Variants in PCDH15 observed in about 807,000 individuals in gnomAD.
PCDH15 encodes the protein protocadherin-15.
A neutral mutation model predicts 178.5 loss-of-function variants in PCDH15; 129 were observed. The observed-to-expected ratio is 0.72, with a 90% confidence interval of 0.63 to 0.84. The LOEUF is 0.84. Ranked by LOEUF, PCDH15 falls within the 40% of genes least tolerant of loss-of-function variation. The pLI, the probability that PCDH15 is intolerant of heterozygous loss-of-function variation, is 0.00. For missense variants in PCDH15, 2,230 were observed against 2,099.9 expected (o/e 1.06, Z -1.21); for synonymous variants, 800 against 732.0 (o/e 1.09, Z -1.50).
chr10:54,872,190 G>T, intron 3 of PCDH15, among the ~76,000 whole-genome samples: 1 of 151,816 alleles, frequency 6.6e-6, no homozygotes, highest in East Asian at 1.9e-4. Context: ...AATAAATAAG[G>T]AGAAAAAAGA....
intron 2 of PCDH15, among the ~76,000 whole-genome samples, chr10:54,938,082 T>G (rs1837951045): frequency 6.6e-6 from 1 of 152,114 alleles, no homozygotes; most frequent in Admixed American, 6.5e-5. Flanking sequence ...TGTTTTTTGC[T>G]TCATCTATTA....
chr10:54,133,884 C>T lies in PCDH15; in HGVS notation c.1785-877G>A, dbSNP rs944104149. On this transcript the variant is annotated intron_variant, in intron 14 of 37. Transcript: ENST00000644397. ...ACACACACACACACACACATATATA[C>T]ACATATATACACACACATATACACA... 2.2e-5 allele frequency among the ~76,000 whole-genome samples: 3 copies of T among 134,238 alleles called. No homozygotes were observed. The South Asian group carries it at 8.0e-4, about 36-fold the overall frequency. The allele number at this position is 134,238 out of a possible 152,430, so 88.1% of individuals were successfully genotyped here.
intron 2 of PCDH15, among the ~76,000 whole-genome samples, chr10:55,032,957 G>A (rs1251425871): frequency 6.6e-6 from 1 of 152,104 alleles, no homozygotes; most frequent in Non-Finnish European, 1.5e-5. Flanking sequence ...CTTCAGTTGT[G>A]GTGTAGGTGG....
At chr10:54,868,204 C>T (rs1336473747) in intron 3 of PCDH15, among the ~76,000 whole-genome samples, 1 of 152,156 alleles carries the variant, frequency 6.6e-6, no homozygotes, top group Non-Finnish European at 1.5e-5. Flanking sequence ...AAATGGCTGT[C>T]TTCATCCATG....
At chr10:55,081,631 C>G (rs917410221) in intron 2 of PCDH15, among the ~76,000 whole-genome samples, 2 of 152,116 alleles carry the variant, frequency 1.3e-5, no homozygotes, top group Admixed American at 6.6e-5. Context: ...CCTGAGAGAG[C>G]TCCCTTGCCC....
intron 18 of PCDH15, among the ~76,000 whole-genome samples, chr10:54,038,219 A>G (rs1183497825): frequency 6.6e-6 from 1 of 151,912 alleles, no homozygotes; most frequent in Non-Finnish European, 1.5e-5. Flanking sequence ...ATACTGTCTG[A>G]TTTATTTATT....
chr10:54,437,956 A>G (rs568924711), intron 3 of PCDH15, among the ~76,000 whole-genome samples: 5 of 152,306 alleles, frequency 3.3e-5, no homozygotes, highest in East Asian at 1.9e-4. Flanking sequence ...GAATAACTCC[A>G]GCCAATCTCC....
At chr10:55,332,983 A>G (rs1844251606) in intron 2 of PCDH15, among the ~76,000 whole-genome samples, 1 of 152,172 alleles carries the variant, frequency 6.6e-6, no homozygotes, top group African/African-American at 2.4e-5. Context: ...GACTTGCCAC[A>G]CATCTTTTAC....
intron 3 of PCDH15, among the ~76,000 whole-genome samples, chr10:54,829,643 T>A (rs1312669803): frequency 6.6e-6 from 1 of 152,108 alleles, no homozygotes; most frequent in African/African-American, 2.4e-5. Context: ...GTACTCACTC[T>A]GTGTTTCAAA....
chr10:54,874,476 A>T (rs1954102212), intron 3 of PCDH15, among the ~76,000 whole-genome samples: 1 of 152,066 alleles, frequency 6.6e-6, no homozygotes, highest in East Asian at 1.9e-4. Context: ...ATACCTAGGC[A>T]TTACCATTCA....
At chr10:55,384,311 G>A (rs1188219741) in intron 2 of PCDH15, among the ~76,000 whole-genome samples, 2 of 152,018 alleles carry the variant, frequency 1.3e-5, no homozygotes, top group Non-Finnish European at 2.9e-5. Flanking sequence ...TATTACCATT[G>A]TGTATTTTGG....
chr10:54,685,553 T>C (rs1183359933), intron 1 of PCDH15, among the ~76,000 whole-genome samples: 6 of 152,188 alleles, frequency 3.9e-5, no homozygotes, highest in African/African-American at 1.4e-4. Flanking sequence ...ACCACCATTG[T>C]ATATGTTGTA....
chr10:54,800,255 A>G (rs543585314), intron 1 of PCDH15, among the ~76,000 whole-genome samples: 7 of 152,190 alleles, frequency 4.6e-5, no homozygotes, highest in African/African-American at 1.7e-4. Flanking sequence ...TAAAGGCCAC[A>G]TCACAAAGTG....
chr10:54,204,904 C>A (rs964012213), intron 10 of PCDH15, among the ~76,000 whole-genome samples: 2 of 152,286 alleles, frequency 1.3e-5, no homozygotes, highest in Admixed American at 6.5e-5. Flanking sequence ...TTATCTGCTG[C>A]CTTAAAATAA....
At chr10:54,554,594 T>G (rs2086967962) in intron 2 of PCDH15, among the ~76,000 whole-genome samples, 1 of 152,000 alleles carries the variant, frequency 6.6e-6, no homozygotes, top group South Asian at 2.1e-4. Context: ...TTCCTGAAAA[T>G]AGGTTGGACT....
chr10:53,831,596 A>C, intron 29 of PCDH15, 63 bp from the exon 30 acceptor site: 1 of 1,239,980 alleles, frequency 8.1e-7, no homozygotes, highest in South Asian at 1.3e-5. Context: ...TTTAAAAATA[A>C]AATCTTTTTG....
At chr10:54,025,922 G>A (rs1047306157) in intron 18 of PCDH15, among the ~76,000 whole-genome samples, 2 of 152,014 alleles carry the variant, frequency 1.3e-5, no homozygotes, top group Non-Finnish European at 2.9e-5. Context: ...ACTTTTAAGG[G>A]CATGTAAGAT....
chr10:54,354,240 C>A (rs1200484532), intron 5 of PCDH15, among the ~76,000 whole-genome samples: 1 of 152,178 alleles, frequency 6.6e-6, no homozygotes, highest in African/African-American at 2.4e-5. Flanking sequence ...CTGCCTCGGC[C>A]TTCCAAAGTG....
chr10:54,267,973 C>T (rs1239761900), intron 8 of PCDH15, among the ~76,000 whole-genome samples: 1 of 151,862 alleles, frequency 6.6e-6, no homozygotes, highest in Non-Finnish European at 1.5e-5. Flanking sequence ...ATAGCCAACA[C>T]AATCTTAAGC....
Sources: allele counts gnomAD v4.1 joint callset (sites outside exome capture counted in the v4.1 genomes callset), GRCh38; gene constraint gnomAD v4.1.1; transcripts MANE v1.5; gene names NCBI Gene and HGNC (gene_info 2026-07-23, HGNC 2026-07-21).